ZHX3: variants seen among roughly 807,000 people sequenced by gnomAD.
ZHX3 encodes zinc fingers and homeoboxes protein 3.
In ZHX3, 20 loss-of-function variants were observed where a neutral mutation model predicts 64.5. The ratio of observed to expected loss-of-function variants is 0.31; its 90% CI spans 0.22 to 0.45. The LOEUF is 0.45. Ranked by LOEUF, ZHX3 falls within the 20% of genes least tolerant of loss-of-function variation. ZHX3 has a pLI of 1.00. For missense variants in ZHX3, 1,041 were observed against 1,195.8 expected (o/e 0.87, Z 1.91); for synonymous variants, 423 against 461.6 (o/e 0.92, Z 1.07).
chr20:41,312,303 G>A (rs919094790), intron 1 of ZHX3, among the ~76,000 whole-genome samples: 2 of 152,152 alleles, frequency 1.3e-5, no homozygotes, highest in African/African-American at 2.4e-5. Flanking sequence ...GCAGGACATG[G>A]ACAGGGACAA....
chr20:41,288,371 G>A (rs1185883040), intron 1 of ZHX3, among the ~76,000 whole-genome samples: 1 of 152,192 alleles, frequency 6.6e-6, no homozygotes, highest in African/African-American at 2.4e-5. Context: ...TGGTGGTAGT[G>A]ACTTTTTGCT....
In ZHX3 at chr20:41,185,761, G is replaced by A. The variant is rs912813840; in HGVS notation, c.2861-560C>T. Reference sequence around the variant, plus strand: ...TCCTTAATTGCAGCTGGCTGAGAAAGCCATGAGAAACCAGGTACAGATAAA... The same window carrying A: ...TCCTTAATTGCAGCTGGCTGAGAAAACCATGAGAAACCAGGTACAGATAAA... On this transcript the variant is annotated intron_variant, in intron 3 of 3. Coordinates refer to ENST00000683867, the MANE Select transcript of ZHX3 (RefSeq NM_001384317.1). The surrounding 1 kb of genome is among the most constrained non-coding windows in gnomAD (Gnocchi z 5.0). 6.5e-6 allele frequency: 1 copy of A among 154,502 alleles called. No individual in the cohort carries two copies. Among genetic ancestry groups the A allele is most frequent in the African/African-American group, 2.4e-5 (1 of 41,498 alleles). 9.6% of individuals were successfully genotyped at this position (154,502 alleles called of 1,614,324 possible). A position where few individuals can be genotyped will look rare whatever the true frequency, so the allele number is the denominator to read the frequency against.
In ZHX3 at chr20:41,203,162, T is replaced by G. The variant is rs746660231; in HGVS notation, c.1755A>C (p.Val585=). The change falls in exon 3 of 4, where the codon GTA becomes GTC. Residue 585 remains valine (V), a synonymous_variant. Transcript: ENST00000683867. The surrounding 1 kb of genome is among the most constrained non-coding windows in gnomAD (Gnocchi z 7.1). The stretch of plus-strand genomic sequence containing the variant: ...GTGTGGCTGTTGTCGGAATGCAGGT[T>G]ACCTCAGGGACCTTGGACGATGGGG... ...SFSPSSKVPE[V]TCIPTTATLA... 6.2e-7 allele frequency: 1 copy of G among 1,614,114 alleles called. No homozygotes were observed. The highest frequency in any genetic ancestry group is 1.7e-5 in the Admixed American group (1 of 60,010).
At chr20:41,279,458 T>C (rs2043561975) in intron 1 of ZHX3, among the ~76,000 whole-genome samples, 1 of 152,156 alleles carries the variant, frequency 6.6e-6, no homozygotes, top group Non-Finnish European at 1.5e-5. Flanking sequence ...TTCATCTGGT[T>C]AAACCACCTC....
chr20:41,272,581 C>T (rs2043195249), intron 1 of ZHX3, among the ~76,000 whole-genome samples: 2 of 152,252 alleles, frequency 1.3e-5, no homozygotes, highest in South Asian at 4.2e-4. Flanking sequence ...CTTTATGTCT[C>T]CATAAAATTA....
intron 2 of ZHX3, among the ~76,000 whole-genome samples, chr20:41,260,695 C>T (rs1225727203): frequency 6.6e-6 from 1 of 152,352 alleles, no homozygotes; most frequent in South Asian, 2.1e-4. Context: ...ACACAAGCAA[C>T]TAACAATGGT....
chr20:41,198,361 T>C (rs2037937162), intron 3 of ZHX3, among the ~76,000 whole-genome samples: 2 of 152,208 alleles, frequency 1.3e-5, no homozygotes, highest in Non-Finnish European at 2.9e-5. Flanking sequence ...GGACTCCCTT[T>C]AGCATTTCTG....
At chr20:41,234,045 C>T (rs1029579825) in intron 2 of ZHX3, among the ~76,000 whole-genome samples, 4 of 152,128 alleles carry the variant, frequency 2.6e-5, no homozygotes, top group East Asian at 1.9e-4. Flanking sequence ...CTGATGGAAG[C>T]GAGACAGGCT....
intron 1 of ZHX3, among the ~76,000 whole-genome samples, chr20:41,310,566 G>A (rs1167524845): frequency 2.6e-5 from 4 of 151,956 alleles, no homozygotes; most frequent in South Asian, 4.2e-4. Flanking sequence ...CATTACTGAC[G>A]TAAACAGTAT....
rs367755444 is a variant in ZHX3 at position 41,203,125 on chromosome 20, G to A, written c.1792C>T (p.Pro598Ser). ...TGCCAAGATTGTCGTTTGGCAGAAG[G>A]GTGGGTTGCTAGTGTGGCTGTTGTC... Reference protein sequence around the residue: ...IPTTATLATHPSAKRQSWHQT... With the variant: ...IPTTATLATHSSAKRQSWHQT... The change falls in exon 3 of 4, where the codon CCT becomes TCT. Residue 598 changes from proline to serine, a missense_variant. This residue lies in a region of ZHX3 where 649 missense variants were observed against 739.8 expected (regional missense o/e 0.88). Coordinates refer to ENST00000683867, the MANE Select transcript of ZHX3 (RefSeq NM_001384317.1). The surrounding 1 kb of genome is among the most constrained non-coding windows in gnomAD (Gnocchi z 7.1). 6.2e-7 allele frequency: 1 copy of A among 1,614,104 alleles called. No homozygotes were observed. The highest frequency in any genetic ancestry group is 8.5e-7 in the Non-Finnish European group (1 of 1,180,018).
intron 2 of ZHX3, among the ~76,000 whole-genome samples, chr20:41,248,866 CCT>C (rs576824602): frequency 8.5e-5 from 13 of 152,282 alleles, no homozygotes; most frequent in African/African-American, 2.9e-4. Context: ...ATTTTTCCCC[CCT>C]GACAGTGTTT....
chr20:41,281,873 T>C (rs1291376480), intron 1 of ZHX3, among the ~76,000 whole-genome samples: 1 of 152,128 alleles, frequency 6.6e-6, no homozygotes, highest in African/African-American at 2.4e-5. Context: ...TTGGCTGAAA[T>C]GTAGAGTGGA....
Position 41,268,238 on chromosome 20 carries a change from A to G in ZHX3, c.-151+752T>C, listed in dbSNP as rs182998920. ...CCTCCATTTCTTTCTCTCCTTCTAAAAATTTCTATTCAGCTTACTGGACAA... is the reference window on the plus strand; with the variant it reads ...CCTCCATTTCTTTCTCTCCTTCTAAGAATTTCTATTCAGCTTACTGGACAA... On this transcript the variant is annotated intron_variant, in intron 2 of 3. Coordinates refer to ENST00000683867, the MANE Select transcript of ZHX3 (RefSeq NM_001384317.1). Among the ~76,000 whole-genome samples the G allele has an allele frequency of 3.5e-4, 53 of 152,336 alleles. 1 individual carries two copies. The East Asian group carries it at 4.8e-3, about 14-fold the overall frequency.
At chr20:41,282,361 C>CTTTTTTTTTTTTT (rs568284480) in intron 1 of ZHX3, among the ~76,000 whole-genome samples, 1,052 of 97,106 alleles carry the variant, frequency 0.011, 121 homozygotes, top group Non-Finnish European at 0.015. Context: ...CACAATTCAT[C>CTTTTTTTTTTTTT]TTTTTTTTTT....
chr20:41,250,932 A>T (rs2041962043), intron 2 of ZHX3, among the ~76,000 whole-genome samples: 1 of 152,208 alleles, frequency 6.6e-6, no homozygotes, highest in Non-Finnish European at 1.5e-5. Flanking sequence ...AGATCATTTG[A>T]GGTTAGGAGT....
At chr20:41,209,846 G>T (rs1304100295) in intron 2 of ZHX3, among the ~76,000 whole-genome samples, 2 of 152,150 alleles carry the variant, frequency 1.3e-5, no homozygotes, top group Non-Finnish European at 2.9e-5. Context: ...TTGACAAATG[G>T]GATCTAATTA....
In ZHX3 at chr20:41,204,041, C is replaced by G; in HGVS notation, c.876G>C (p.Thr292=). 1 of 1,613,838 alleles carries G rather than the reference C, an allele frequency of 6.2e-7. No individual in the cohort carries two copies. Among genetic ancestry groups the G allele is most frequent in the South Asian group, 1.1e-5 (1 of 91,040 alleles). The change falls in exon 3 of 4, where the codon ACG becomes ACC. Residue 292 remains threonine, a synonymous_variant. Transcript: ENST00000683867. The surrounding 1 kb of genome is among the most constrained non-coding windows in gnomAD (Gnocchi z 6.6). ...AQHHVHQPLP[T]AKALPKVMIP... is the part of the protein sequence containing the mutation. ...TCATCACTTTGGGAAGGGCCTTGGC[C>G]GTGGGCAGTGGCTGGTGGACATGGT...
chr20:41,243,478 TCAAA>T (rs774227074), intron 2 of ZHX3, among the ~76,000 whole-genome samples: 52 of 152,310 alleles, frequency 3.4e-4, no homozygotes, highest in Middle Eastern at 3.4e-3. Context: ...TCTCACTGAC[TCAAA>T]CAGTCTTAGG....
intron 3 of ZHX3, among the ~76,000 whole-genome samples, chr20:41,188,856 T>C (rs183952249): frequency 5.3e-5 from 8 of 152,250 alleles, no homozygotes. Flanking sequence ...ATTTTTAATA[T>C]AGTTCCCTTT....
Sources: allele counts gnomAD v4.1 joint callset (sites outside exome capture counted in the v4.1 genomes callset), GRCh38; gene constraint gnomAD v4.1.1; regional missense constraint gnomAD v4.1.1; non-coding constraint Gnocchi (gnomAD v3.1); transcripts MANE v1.5; gene names NCBI Gene and HGNC (gene_info 2026-07-23, HGNC 2026-07-21).